Variants in CDKL2 observed in about 807,000 individuals in gnomAD.
CDKL2 encodes the protein cyclin-dependent kinase-like 2.
In CDKL2, 64 loss-of-function variants were observed where a neutral mutation model predicts 63.9. The observed-to-expected ratio is 1.00, with a 90% CI of 0.82 to 1.23. The LOEUF (loss-of-function observed/expected upper bound fraction) is 1.23, where lower values mean the gene tolerates loss of function less well. CDKL2 is among the 50% of genes most tolerant of loss of function. The pLI is 0.00. For missense variants in CDKL2, 656 were observed against 668.0 expected, an observed-to-expected ratio of 0.98 and a Z score of 0.20; for synonymous variants, 211 against 229.2, an observed-to-expected ratio of 0.92 and a Z score of 0.72.
chr4:75,610,845 G>T (rs1381205038), intron 3 of CDKL2, among the ~76,000 whole-genome samples: 2 of 151,962 alleles, frequency 1.3e-5, no homozygotes, highest in East Asian at 3.9e-4. Flanking sequence ...ATGTATGTAT[G>T]TATATATCTG....
chr4:75,590,985 G>T (rs993163475), intron 12 of CDKL2, among the ~76,000 whole-genome samples: 1 of 152,104 alleles, frequency 6.6e-6, no homozygotes, highest in Non-Finnish European at 1.5e-5. Context: ...AAAAATGAGT[G>T]ATATGGCTGT....
At chr4:75,625,736 G>T in intron 2 of CDKL2, 85 bp downstream of exon 2, 1 of 901,596 alleles carries the variant, frequency 1.1e-6, no homozygotes, top group Non-Finnish European at 1.7e-6. Flanking sequence ...AAATGAATTT[G>T]CATATCTAAT....
Position 75,596,998 on chromosome 4 carries a change from G to A in CDKL2, c.1259C>T (p.Ser420Phe). 10 of 1,614,206 alleles carry A rather than the reference G, an allele frequency of 6.2e-6. No homozygotes were observed. The highest frequency in any genetic ancestry group is 8.5e-6 in the Non-Finnish European group (10 of 1,180,010). The part of the protein sequence containing the change: ...VAIPPLTHNL[S>F]AVAPSINSGM... ...AGAATTAATGCTGGGAGCAACTGCA[G>A]AAAGATTGTGTGTAAGTGGGGGAAT... is the stretch of plus-strand genomic sequence containing the variant. The change falls in exon 9 of 14, where the codon TCT becomes TTT. Residue 420 changes from serine (S) to phenylalanine (F), a missense_variant. Transcript: ENST00000307465.
At chr4:75,619,843 G>T (rs1730082638) in intron 2 of CDKL2, among the ~76,000 whole-genome samples, 1 of 152,132 alleles carries the variant, frequency 6.6e-6, no homozygotes, top group African/African-American at 2.4e-5. Flanking sequence ...AATAAAAATT[G>T]TCTGTGGAGA....
At chr4:75,596,103 G>A in intron 10 of CDKL2, 144 bp downstream of exon 10, 1 of 487,266 alleles carries the variant, frequency 2.1e-6, no homozygotes, top group African/African-American at 2.0e-5. Context: ...ACTATGATGG[G>A]TTGGGATAAT....
intron 1 of CDKL2, among the ~76,000 whole-genome samples, chr4:75,626,591 C>T (rs374788098): frequency 3.3e-5 from 5 of 150,292 alleles, no homozygotes; most frequent in African/African-American, 4.9e-5. Context: ...GGCGTGAACC[C>T]GGGAGGCGGA....
At chr4:75,581,615 C>T (rs977531828) in intron 13 of CDKL2, among the ~76,000 whole-genome samples, 195 bp downstream of exon 13, 1 of 152,314 alleles carries the variant, frequency 6.6e-6, no homozygotes. Context: ...GAGATGTACG[C>T]TCTGCGAAAA....
chr4:75,596,816 C>T (rs1242975240), intron 9 of CDKL2, 119 bp downstream of exon 9: 14 of 853,924 alleles, frequency 1.6e-5, no homozygotes, highest in Non-Finnish European at 2.5e-5. Context: ...AGCTACCTGA[C>T]AAGAATGAAT....
At position 75,600,265 on chromosome 4, in the gene CDKL2, T is replaced by A; in HGVS notation, c.884+16A>T. 6.4e-7 allele frequency: 1 copy of A among 1,562,600 alleles called. No homozygotes were observed. The stretch of plus-strand genomic sequence containing the variant: ...CTAGGTTGGTATGGCCTGAAAAACA[T>A]GGGTAAGTACTATACCTCTCAGCAA... On this transcript the variant is annotated intron_variant, in intron 7 of 13. Transcript: ENST00000307465.
intron 3 of CDKL2, among the ~76,000 whole-genome samples, chr4:75,612,002 G>T (rs907337704): frequency 6.9e-6 from 1 of 145,564 alleles, no homozygotes; most frequent in Non-Finnish European, 1.5e-5. Flanking sequence ...ACAGAGTCTC[G>T]CCATGTTGCC....
At position 75,625,985 on chromosome 4, in the gene CDKL2, C is replaced by A. The variant is rs1338398121; in HGVS notation, c.4G>T (p.Glu2Ter). 1 of 1,606,970 alleles carries A rather than the reference C, an allele frequency of 6.2e-7. No homozygotes were observed. Among genetic ancestry groups the A allele is most frequent in the Non-Finnish European group, 8.5e-7 (1 of 1,178,640 alleles). The change falls in exon 2 of 14, where the codon GAA becomes TAA. Residue 2 changes from glutamate to a stop codon, truncating the protein, a stop_gained. Coordinates refer to ENST00000307465, the MANE Select transcript of CDKL2 (RefSeq NM_001330724.2). LOFTEE classifies it high-confidence loss of function. The stretch of plus-strand genomic sequence containing the variant: ...ACCAAACCCAGGTTTTCATATTTTT[C>A]CATTTTAATTTAAAGTCCGTAGAAA... M[E>*]KYENLGLVGE...
chr4:75,583,577 C>T (rs1189560883), intron 12 of CDKL2, among the ~76,000 whole-genome samples: 1 of 152,154 alleles, frequency 6.6e-6, no homozygotes, highest in African/African-American at 2.4e-5. Context: ...CCCAGGGATA[C>T]AATAAAGGCT....
chr4:75,593,222 A>C (rs985555534), intron 10 of CDKL2, among the ~76,000 whole-genome samples: 1 of 152,060 alleles, frequency 6.6e-6, no homozygotes, highest in Non-Finnish European at 1.5e-5. Flanking sequence ...TATAAAATAA[A>C]ATAGTTAAAG....
intron 1 of CDKL2, among the ~76,000 whole-genome samples, chr4:75,626,656 G>C (rs1334850036): frequency 1.2e-5 from 1 of 80,814 alleles, no homozygotes; most frequent in African/African-American, 4.2e-5. Context: ...AACAGAGTGA[G>C]ACTCCATCTC....
Position 75,607,140 on chromosome 4 carries a change from A to T in CDKL2, c.542+43T>A, listed in dbSNP as rs780908742. On this transcript the variant is annotated intron_variant, in intron 4 of 13. Transcript: ENST00000307465. ...ATAAACATATTCCACTATAGCAAGA[A>T]GCAAGAGTAAAAATCTACTCCTCCC... 9 of 1,476,478 alleles carry T rather than the reference A, an allele frequency of 6.1e-6. No individual in the cohort carries two copies. The African/African-American group carries it at 1.3e-4, about 21-fold the overall frequency. 91.5% of individuals were successfully genotyped at this position (1,476,478 alleles called of 1,614,324 possible). A position where few individuals can be genotyped will look rare whatever the true frequency, so the allele number is the denominator to read the frequency against.
rs1728269470 is a variant in CDKL2 at position 75,581,689 on chromosome 4, C to T, written c.*23+121G>A. The T allele has an allele frequency of 5.3e-6, 3 of 564,370 alleles. No individual in the cohort carries two copies. The South Asian group carries it at 7.8e-5, about 15-fold the overall frequency. The allele number at this position is 564,370 out of a possible 1,614,324, so 35.0% of individuals were successfully genotyped here. ...CTAAGTGGCACAACTCTTTCTCTAT[C>T]AGAAGTTCTCATGGAATCAATCACT... On this transcript the variant is annotated intron_variant, in intron 13 of 13. Coordinates refer to ENST00000307465, the MANE Select transcript of CDKL2 (RefSeq NM_001330724.2).
At position 75,607,233 on chromosome 4, in the gene CDKL2, G is replaced by A. The variant is rs758656395; in HGVS notation, c.492C>T (p.Thr164=). 1.5e-5 allele frequency: 25 copies of A among 1,613,762 alleles called. 1 individual carries two copies. The South Asian group carries it at 2.7e-4, about 18-fold the overall frequency. The change falls in exon 4 of 14, where the codon ACC becomes ACT. Residue 164 remains threonine (T), a synonymous_variant. Transcript: ENST00000307465. The part of the protein sequence containing the change: ...PGEVYTDYVA[T]RWYRAPELLV... ...ATAGTTCTGGAGCTCTGTACCATCG[G>A]GTTGCCACATAATCAGTATAAACCT...
At chr4:75,625,677 T>C (rs1464071) in intron 2 of CDKL2, 144 bp downstream of exon 2, 568,174 of 646,158 alleles carry the variant, frequency 0.88, 250,027 homozygotes, top group East Asian at 0.94. Context: ...CAGAAAGATA[T>C]AGAGAGAAGG....
chr4:75,590,037 C>T (rs1186075871), intron 12 of CDKL2, among the ~76,000 whole-genome samples: 1 of 150,028 alleles, frequency 6.7e-6, no homozygotes, highest in Non-Finnish European at 1.5e-5. Context: ...TGTGTTGGTG[C>T]ACTCCCGTGG....
Sources: allele counts gnomAD v4.1 joint callset (sites outside exome capture counted in the v4.1 genomes callset), GRCh38; gene constraint gnomAD v4.1.1; transcripts MANE v1.5; gene names NCBI Gene and HGNC (gene_info 2026-07-23, HGNC 2026-07-21).